CDH18: variants seen among roughly 807,000 people sequenced by gnomAD.
CDH18 encodes the protein cadherin 18.
A neutral mutation model predicts 67.9 loss-of-function variants in CDH18; 31 were observed. The observed-to-expected ratio is 0.46, with a 90% confidence interval of 0.34 to 0.62. The LOEUF is 0.62. Ranked by LOEUF, CDH18 falls within the 20% of genes least tolerant of loss-of-function variation. The probability of loss-of-function intolerance (pLI) is 0.01; values close to 1 mark genes in which losing one functional copy is unlikely to be tolerated. For synonymous variants in CDH18, 362 were observed against 347.2 expected, an observed-to-expected ratio of 1.04 and a Z score of -0.48; for missense variants, 890 against 975.5, an observed-to-expected ratio of 0.91 and a Z score of 1.17.
At chr5:19,480,947 T>C (rs1228640443) in intron 12 of CDH18, among the ~76,000 whole-genome samples, 2 of 152,114 alleles carry the variant, frequency 1.3e-5, no homozygotes, top group Non-Finnish European at 2.9e-5. Flanking sequence ...AAATAGTTCT[T>C]GCTCTGGTGC....
At chr5:20,315,945 G>A (rs144695609) in intron 1 of CDH18, among the ~76,000 whole-genome samples, 96 of 152,144 alleles carry the variant, frequency 6.3e-4, no homozygotes, top group African/African-American at 2.2e-3. Context: ...CTAGAACTAA[G>A]AATAGTGCCT....
At chr5:19,934,457 T>C (rs370952686) in intron 2 of CDH18, among the ~76,000 whole-genome samples, 1 of 151,444 alleles carries the variant, frequency 6.6e-6, no homozygotes, top group Admixed American at 6.6e-5. Context: ...AAGCCTTCCC[T>C]TTCTAACAGG....
intron 1 of CDH18, among the ~76,000 whole-genome samples, chr5:20,399,366 A>G (rs1745565365): frequency 6.6e-6 from 1 of 152,198 alleles, no homozygotes; most frequent in Non-Finnish European, 1.5e-5. Context: ...GGAAACAACA[A>G]TATAAGAGGA....
At chr5:20,442,111 G>T (rs549821044) in intron 1 of CDH18, among the ~76,000 whole-genome samples, 1 of 151,742 alleles carries the variant, frequency 6.6e-6, no homozygotes, top group Admixed American at 6.6e-5. Context: ...TAAAACAGTG[G>T]CTGCATTACA....
At chr5:19,863,353 C>T (rs574975835) in intron 2 of CDH18, among the ~76,000 whole-genome samples, 14 of 152,152 alleles carry the variant, frequency 9.2e-5, no homozygotes, top group African/African-American at 1.2e-4. Context: ...ACAAGGTTAA[C>T]GCAGTGGGGA....
At chr5:20,260,147 A>G (rs941334453) in intron 1 of CDH18, among the ~76,000 whole-genome samples, 5 of 151,466 alleles carry the variant, frequency 3.3e-5, no homozygotes, top group African/African-American at 1.2e-4. Flanking sequence ...CCAATCAAGA[A>G]AATCCAACAT....
chr5:20,110,954 T>C (rs751293961), intron 2 of CDH18, among the ~76,000 whole-genome samples: 2 of 152,220 alleles, frequency 1.3e-5, no homozygotes, highest in Non-Finnish European at 2.9e-5. Context: ...TTTTTTCTAC[T>C]GCTTTGATGT....
intron 1 of CDH18, among the ~76,000 whole-genome samples, chr5:20,313,134 GA>G (rs57473611): frequency 0.054 from 8,164 of 152,086 alleles, 698 homozygotes; most frequent in African/African-American, 0.18. Flanking sequence ...TCAATGAAAT[GA>G]AAAAAGTTTA....
intron 2 of CDH18, among the ~76,000 whole-genome samples, chr5:20,250,589 CTTTTTTTTTT>C (rs70954644): frequency 1.2e-3 from 40 of 33,562 alleles, no homozygotes; most frequent in African/African-American, 1.9e-3. Context: ...CGGCCCATGG[CTTTTTTTTTT>C]TTTTTTTTTT....
At chr5:20,009,998 C>G (rs188046341) in intron 2 of CDH18, among the ~76,000 whole-genome samples, 1 of 152,114 alleles carries the variant, frequency 6.6e-6, no homozygotes, top group Admixed American at 6.5e-5. Context: ...TGAATATTAA[C>G]TATGAGAGTA....
At chr5:20,410,869 A>G (rs901019624) in intron 1 of CDH18, among the ~76,000 whole-genome samples, 4 of 151,922 alleles carry the variant, frequency 2.6e-5, no homozygotes, top group Non-Finnish European at 4.4e-5. Flanking sequence ...TTAAAGGAAT[A>G]AAATACTTAA....
intron 1 of CDH18, among the ~76,000 whole-genome samples, chr5:20,503,450 ATCAG>A (rs1351360096): frequency 3.3e-5 from 5 of 152,200 alleles, no homozygotes; most frequent in African/African-American, 4.8e-5. Flanking sequence ...CCTATGAGTT[ATCAG>A]TCACAGAGTT....
chr5:19,952,786 G>T (rs1277343412), intron 2 of CDH18, among the ~76,000 whole-genome samples: 1 of 151,598 alleles, frequency 6.6e-6, no homozygotes, highest in Non-Finnish European at 1.5e-5. Context: ...CATATTCAAT[G>T]ATATGAGAGG....
intron 2 of CDH18, among the ~76,000 whole-genome samples, chr5:20,056,014 T>C (rs1741873143): frequency 7.4e-6 from 1 of 134,606 alleles, no homozygotes; most frequent in Non-Finnish European, 1.5e-5. Context: ...TTTTTTTTTT[T>C]TTTTTGTGAG....
At chr5:20,126,527 C>A (rs1243778718) in intron 2 of CDH18, among the ~76,000 whole-genome samples, 1 of 152,072 alleles carries the variant, frequency 6.6e-6, no homozygotes, top group East Asian at 1.9e-4. Context: ...AAAGGGCAAC[C>A]TACAGAATGA....
At chr5:19,507,690 G>A (rs909486980) in intron 10 of CDH18, among the ~76,000 whole-genome samples, 6 of 152,090 alleles carry the variant, frequency 3.9e-5, no homozygotes, top group East Asian at 1.9e-4. Flanking sequence ...TCACTCATAG[G>A]TTGGAATTGA....
chr5:20,086,479 T>C (rs1438755883), intron 2 of CDH18, among the ~76,000 whole-genome samples: 1 of 152,206 alleles, frequency 6.6e-6, no homozygotes, highest in African/African-American at 2.4e-5. Context: ...TGGAAGAAGA[T>C]TCTATCTAGG....
At chr5:19,481,060 CA>C (rs1739338104) in intron 12 of CDH18, among the ~76,000 whole-genome samples, 3 of 152,170 alleles carry the variant, frequency 2.0e-5, no homozygotes, top group South Asian at 2.1e-4. Flanking sequence ...AGATTTACTA[CA>C]CAGCATAATG....
At chr5:19,503,529 C>T (rs1156933214) in intron 10 of CDH18, among the ~76,000 whole-genome samples, 1 of 152,022 alleles carries the variant, frequency 6.6e-6, no homozygotes, top group East Asian at 1.9e-4. Flanking sequence ...AATGCAAGAA[C>T]AGTGGAGTCT....
Sources: gnomAD v4.1 joint callset for allele counts (sites outside exome capture counted in the v4.1 genomes callset) on GRCh38, gnomAD v4.1.1 for gene constraint, MANE v1.5 for transcripts, NCBI Gene and HGNC (gene_info 2026-07-23, HGNC 2026-07-21) for gene names.